The following ADGRL3 variants were observed in gnomAD, a reference collection of about 807,000 sequenced individuals.
The protein encoded by ADGRL3 is calcium-independent alpha-latrotoxin receptor 3.
In ADGRL3, 62 loss-of-function variants were observed where a neutral mutation model predicts 153.5. That is an observed-to-expected ratio of 0.40 (90% CI 0.33 to 0.50). The LOEUF (loss-of-function observed/expected upper bound fraction) is 0.50. Ranked by LOEUF, ADGRL3 falls within the 20% of genes least tolerant of loss-of-function variation. The pLI is 0.47. For synonymous variants in ADGRL3, 710 were observed against 672.5 expected, an observed-to-expected ratio of 1.06 and a Z score of -0.86; for missense variants, 1,641 against 1,859.4, an observed-to-expected ratio of 0.88 and a Z score of 2.16.
chr4:61,481,724 A>G (rs936361464), intron 2 of ADGRL3, among the ~76,000 whole-genome samples: 1 of 152,076 alleles, frequency 6.6e-6, no homozygotes, highest in Non-Finnish European at 1.5e-5. Flanking sequence ...AAGATATACT[A>G]TAGAGGAAAA....
chr4:61,399,708 T>G (rs542441164), intron 2 of ADGRL3, among the ~76,000 whole-genome samples: 1 of 151,796 alleles, frequency 6.6e-6, no homozygotes, highest in East Asian at 1.9e-4. Context: ...CTCTAAAAAT[T>G]GAGAGTGTTG....
rs2095119749 is a variant in ADGRL3, at chr4:61,674,479, G to C, written c.474-2347G>C. The stretch of plus-strand genomic sequence containing the variant: ...AATTAGAGCTATGGTAATTAAAAAG[G>C]TTAATAATAGGGAATAAAATGACTA... On this transcript the variant is annotated intron_variant, in intron 5 of 26. Coordinates refer to ENST00000683033, the MANE Select transcript of ADGRL3 (RefSeq NM_001387552.1). Among the ~76,000 whole-genome samples, 7 of 151,720 alleles carry C rather than the reference G, an allele frequency of 4.6e-5. No homozygotes were observed. In the South Asian group the frequency reaches 1.5e-3, roughly 31 times the overall value.
chr4:61,311,096 ATG>A (rs1212235856), intron 1 of ADGRL3, among the ~76,000 whole-genome samples: 3 of 152,170 alleles, frequency 2.0e-5, no homozygotes, highest in Non-Finnish European at 2.9e-5. Context: ...CTGCTGAGTG[ATG>A]CTGACAAAAA....
At chr4:61,548,318 A>G (rs972188211) in intron 4 of ADGRL3, among the ~76,000 whole-genome samples, 1 of 151,888 alleles carries the variant, frequency 6.6e-6, no homozygotes, top group African/African-American at 2.4e-5. Flanking sequence ...TTGTTGTTGC[A>G]ATTGCTTTTG....
At chr4:62,005,832 C>T (rs2099155437) in intron 21 of ADGRL3, among the ~76,000 whole-genome samples, 1 of 150,386 alleles carries the variant, frequency 6.6e-6, no homozygotes, top group Non-Finnish European at 1.5e-5. Context: ...AATGTATGAA[C>T]TTTGATTTGA....
intron 4 of ADGRL3, among the ~76,000 whole-genome samples, chr4:61,529,477 A>C (rs983495335): frequency 6.6e-6 from 1 of 152,158 alleles, no homozygotes; most frequent in African/African-American, 2.4e-5. Flanking sequence ...TTTCACTCCC[A>C]AAGTGTCCTG....
At position 62,070,556 on chromosome 4, in the gene ADGRL3, A is replaced by C; in HGVS notation, c.4280A>C (p.Asp1427Ala). 3 of 1,550,398 alleles carry C rather than the reference A, an allele frequency of 1.9e-6. No homozygotes were observed. The highest frequency in any genetic ancestry group is 2.6e-6 in the Non-Finnish European group (3 of 1,146,842). Residue 1427 changes from aspartate (D) to alanine (A), a missense_variant, in exon 27 of 27, where the codon GAC becomes GCC. Coordinates refer to ENST00000683033, the MANE Select transcript of ADGRL3 (RefSeq NM_001387552.1). The part of the protein sequence containing the change: ...HHYTRRRIPQ[D>A]HSESFFPLLT... ...TATACCAGAAGGCGGATCCCCCAAG[A>C]CCACAGTGAGAGCTTTTTCCCTTTG...
At chr4:61,243,544 A>G (rs1268690203) in intron 1 of ADGRL3, among the ~76,000 whole-genome samples, 1 of 151,994 alleles carries the variant, frequency 6.6e-6, no homozygotes, top group Non-Finnish European at 1.5e-5. Flanking sequence ...AGAGACTTAG[A>G]GTTTCCTCTA....
intron 1 of ADGRL3, among the ~76,000 whole-genome samples, chr4:61,260,747 A>T (rs1052173004): frequency 3.3e-5 from 5 of 151,962 alleles, no homozygotes; most frequent in Non-Finnish European, 7.4e-5. Context: ...TTTTTTTGAG[A>T]CAGGGACTCA....
chr4:61,617,356 C>T (rs1449710161), intron 5 of ADGRL3, among the ~76,000 whole-genome samples: 1 of 151,880 alleles, frequency 6.6e-6, no homozygotes, highest in African/African-American at 2.4e-5. Context: ...TCCTTATTTT[C>T]TTCTCTCTCT....
chr4:61,612,639 G>A (rs576094928), intron 5 of ADGRL3, among the ~76,000 whole-genome samples: 83 of 152,202 alleles, frequency 5.5e-4, no homozygotes, highest in African/African-American at 1.9e-3. Flanking sequence ...AACCTAAAAT[G>A]CAAAAATCAC....
Position 61,855,426 on chromosome 4 carries a change from A to G in ADGRL3, c.1481-37230A>G, listed in dbSNP as rs1323570123. 2.0e-5 allele frequency among the ~76,000 whole-genome samples: 3 copies of G among 152,242 alleles called. No individual in the cohort carries two copies. The South Asian group carries it at 6.2e-4, about 31-fold the overall frequency. On this transcript the variant is annotated intron_variant, in intron 9 of 26. Transcript: ENST00000683033. ...AAAGCTAGAAAAAACTCTGAAGAAT[A>G]TAAAGTACATGTTTGCTTGTTTTTC...
chr4:61,667,450 C>T (rs1497920), intron 5 of ADGRL3, among the ~76,000 whole-genome samples: 148,405 of 152,250 alleles, frequency 0.97, 72,471 homozygotes, highest in Middle Eastern at 1. Flanking sequence ...TGTATTTTGT[C>T]GGAATAAAAT....
intron 21 of ADGRL3, among the ~76,000 whole-genome samples, chr4:62,003,290 T>C (rs187677654): frequency 8.7e-4 from 133 of 152,282 alleles, no homozygotes; most frequent in Middle Eastern, 6.8e-3. Context: ...GAGTGATAGG[T>C]TGGCAAAGAC....
chr4:61,809,638 C>T (rs146030356), intron 8 of ADGRL3, among the ~76,000 whole-genome samples: 1 of 152,028 alleles, frequency 6.6e-6, no homozygotes, highest in African/African-American at 2.4e-5. Flanking sequence ...TCCCATTGAC[C>T]TTAGCATCTT....
At chr4:61,900,938 C>T (rs2098661237) in intron 11 of ADGRL3, among the ~76,000 whole-genome samples, 1 of 152,156 alleles carries the variant, frequency 6.6e-6, no homozygotes, top group Non-Finnish European at 1.5e-5. Context: ...TTAATGACTG[C>T]TGTAAAATCA....
Position 62,073,778 on chromosome 4 carries a change from C to A in ADGRL3, c.*2870C>A, listed in dbSNP as rs369957350. 19 of 152,144 alleles carry A rather than the reference C, an allele frequency of 1.2e-4. 1 individual carries two copies. The highest frequency in any genetic ancestry group is 4.6e-4 in the African/African-American group (19 of 41,522). The allele number at this position is 152,144 out of a possible 1,614,324, so 9.4% of individuals were successfully genotyped here. On this transcript the variant is annotated 3_prime_UTR_variant, in exon 27 of 27. Transcript: ENST00000683033. ...GAACATTCAGCATATAAAGTTACTACCAAGCTCTTGCATCAAGAAAAAAGA... is the reference window on the plus strand; with the variant it reads ...GAACATTCAGCATATAAAGTTACTAACAAGCTCTTGCATCAAGAAAAAAGA...
intron 8 of ADGRL3, among the ~76,000 whole-genome samples, chr4:61,745,238 G>A (rs1472096850): frequency 6.6e-6 from 1 of 152,180 alleles, no homozygotes; most frequent in Non-Finnish European, 1.5e-5. Context: ...TCTGATTGGT[G>A]TACCTGAAAG....
chr4:61,723,004 G>C (rs2096266727), intron 6 of ADGRL3, among the ~76,000 whole-genome samples: 1 of 152,100 alleles, frequency 6.6e-6, no homozygotes, highest in African/African-American at 2.4e-5. Flanking sequence ...ATAAGAATCA[G>C]TCAAAAATAC....
Sources: allele counts gnomAD v4.1 joint callset (sites outside exome capture counted in the v4.1 genomes callset), GRCh38; gene constraint gnomAD v4.1.1; transcripts MANE v1.5; gene names NCBI Gene and HGNC (gene_info 2026-07-23, HGNC 2026-07-21).